Variants in RAP1GAP2 observed in about 807,000 individuals in gnomAD.
RAP1GAP2 encodes the protein RAP1 GTPase activating protein 2.
RAP1GAP2 carries 27 observed loss-of-function variants against 95.0 expected under a neutral mutation model. The observed-to-expected ratio is 0.28, with a 90% CI of 0.21 to 0.39. The LOEUF (loss-of-function observed/expected upper bound fraction) is 0.39, where lower values mean the gene tolerates loss of function less well. Ranked by LOEUF, RAP1GAP2 falls within the 10% of genes least tolerant of loss-of-function variation. The pLI is 1.00. For missense variants in RAP1GAP2, 771 were observed against 970.0 expected (o/e 0.79, Z 2.72); for synonymous variants, 373 against 380.9 (o/e 0.98, Z 0.24).
chr17:2,926,424 C>A (rs2042956608), intron 3 of RAP1GAP2, among the ~76,000 whole-genome samples: 1 of 152,198 alleles, frequency 6.6e-6, no homozygotes, highest in Non-Finnish European at 1.5e-5. Context: ...AGCTTCAAGG[C>A]AGTTACAACA....
intron 2 of RAP1GAP2, among the ~76,000 whole-genome samples, chr17:2,824,513 C>T (rs1328260948): frequency 3.3e-5 from 5 of 150,630 alleles, no homozygotes; most frequent in South Asian, 2.1e-4. Context: ...GAGGCCGAGG[C>T]GGGCAGATCA....
intron 2 of RAP1GAP2, among the ~76,000 whole-genome samples, chr17:2,878,205 G>A (rs187203446): frequency 2.2e-4 from 33 of 152,252 alleles, no homozygotes; most frequent in African/African-American, 7.7e-4. Flanking sequence ...AGGCATAAGG[G>A]AAGGGGAGTC....
intron 17 of RAP1GAP2, among the ~76,000 whole-genome samples, chr17:3,017,794 C>T (rs574746840): frequency 2.0e-5 from 3 of 152,252 alleles, no homozygotes; most frequent in South Asian, 4.1e-4. Context: ...GGAGCTGGGG[C>T]GCTGACCCCT....
Position 2,796,984 on chromosome 17 carries a change from G to A in RAP1GAP2, c.44+413G>A, listed in dbSNP as rs572347323. 4.6e-5 allele frequency among the ~76,000 whole-genome samples: 7 copies of A among 152,202 alleles called. No individual in the cohort carries two copies. In the South Asian group the frequency reaches 1.2e-3, roughly 27 times the overall value. ...GCTGTGACTGCCAGTCCGTGTGACC[G>A]TGTGTGAGGTGTGTGCCTGTGCATG... On this transcript the variant is annotated intron_variant, in intron 1 of 24. Transcript: ENST00000254695. The surrounding 1 kb of genome is among the most constrained non-coding windows in gnomAD (Gnocchi z 4.7).
intron 3 of RAP1GAP2, among the ~76,000 whole-genome samples, 174 bp from the exon 4 acceptor site, chr17:2,957,585 T>G (rs1280891932): frequency 2.0e-5 from 3 of 152,186 alleles, no homozygotes; most frequent in African/African-American, 7.2e-5. Flanking sequence ...ATGGGGTGTT[T>G]GGCCCTCTAG....
At chr17:2,972,584 G>A (rs940244766) in intron 8 of RAP1GAP2, among the ~76,000 whole-genome samples, 69 of 111,740 alleles carry the variant, frequency 6.2e-4, no homozygotes, top group Non-Finnish European at 1.7e-4. Context: ...GGTGACAAGA[G>A]TGAAAGTCCT....
rs143658195 is a variant in RAP1GAP2, at chr17:2,856,011, G to C, written c.81-49273G>C. Among the ~76,000 whole-genome samples, 6 of 152,328 alleles carry C rather than the reference G, an allele frequency of 3.9e-5. 1 individual carries two copies. Among genetic ancestry groups the C allele is most frequent in the Admixed American group, 2.0e-4 (3 of 15,294 alleles). ...AGTGGTCTAGGAATGGCTGATGCCAGCGACATGTGTGTCTAGCAGAAGAAG... is the reference window on the plus strand; with the variant it reads ...AGTGGTCTAGGAATGGCTGATGCCACCGACATGTGTGTCTAGCAGAAGAAG... On this transcript the variant is annotated intron_variant, in intron 2 of 24. Coordinates refer to ENST00000254695, the MANE Select transcript of RAP1GAP2 (RefSeq NM_015085.5).
chr17:2,812,192 C>T (rs1381419099), intron 2 of RAP1GAP2, among the ~76,000 whole-genome samples: 1 of 152,138 alleles, frequency 6.6e-6, no homozygotes, highest in Non-Finnish European at 1.5e-5. Context: ...CCAGGTCATC[C>T]CCAAGAACAG....
intron 3 of RAP1GAP2, among the ~76,000 whole-genome samples, chr17:2,954,971 T>TA (rs2044058164): frequency 6.6e-6 from 1 of 152,224 alleles, no homozygotes; most frequent in Non-Finnish European, 1.5e-5. Context: ...ATGTTATTTT[T>TA]ATTGGCTGAA....
At chr17:2,823,980 G>A (rs1476630855) in intron 2 of RAP1GAP2, among the ~76,000 whole-genome samples, 1 of 151,742 alleles carries the variant, frequency 6.6e-6, no homozygotes, top group Non-Finnish European at 1.5e-5. Context: ...AAAATTAGCT[G>A]GGCGTGGTGG....
intron 8 of RAP1GAP2, among the ~76,000 whole-genome samples, chr17:2,977,157 A>G (rs1346731277): frequency 6.6e-6 from 1 of 151,832 alleles, no homozygotes; most frequent in Non-Finnish European, 1.5e-5. Flanking sequence ...AAAAGAAAAG[A>G]TACAAATAGT....
chr17:2,813,829 G>A (rs757922151), intron 2 of RAP1GAP2, among the ~76,000 whole-genome samples: 7 of 152,200 alleles, frequency 4.6e-5, no homozygotes, highest in Non-Finnish European at 1.0e-4. Flanking sequence ...CGGGCATGGT[G>A]GCACGTGCCT....
At chr17:2,853,906 G>T in intron 2 of RAP1GAP2, 2 of 979,076 alleles carry the variant, frequency 2.0e-6, no homozygotes, top group Non-Finnish European at 1.2e-6. Context: ...GGGGGCCGGG[G>T]CGCGGGCTCA....
intron 23 of RAP1GAP2, among the ~76,000 whole-genome samples, chr17:3,031,551 G>A (rs1825400051): frequency 6.8e-6 from 1 of 148,146 alleles, no homozygotes; most frequent in Non-Finnish European, 1.5e-5. Context: ...AGGTCCAGAT[G>A]TGAGGTGGGA....
intron 10 of RAP1GAP2, among the ~76,000 whole-genome samples, chr17:2,983,324 C>A (rs773572376): frequency 6.6e-6 from 1 of 152,062 alleles, no homozygotes; most frequent in Non-Finnish European, 1.5e-5. Flanking sequence ...AATTGACCAG[C>A]CTCTGAGATT....
rs1211550126 is a variant in RAP1GAP2, at chr17:2,867,813, G to C, written c.81-37471G>C. ...TAGTGGCTTAGTTGATGCTGATCTT[G>C]GCACGGTCTTGTCAACTTGGCTGGT... On this transcript the variant is annotated intron_variant, in intron 2 of 24. Coordinates refer to ENST00000254695, the MANE Select transcript of RAP1GAP2 (RefSeq NM_015085.5). The surrounding 1 kb of genome is among the most constrained non-coding windows in gnomAD (Gnocchi z 4.5). 1.3e-5 allele frequency among the ~76,000 whole-genome samples: 2 copies of C among 152,128 alleles called. No homozygotes were observed. Among genetic ancestry groups the C allele is most frequent in the African/African-American group, 4.8e-5 (2 of 41,436 alleles).
chr17:2,964,252 T>G (rs1048728742), intron 7 of RAP1GAP2, among the ~76,000 whole-genome samples, 184 bp downstream of exon 7: 1 of 71,976 alleles, frequency 1.4e-5, no homozygotes, highest in Non-Finnish European at 2.7e-5. Context: ...CTGCCGGGGA[T>G]GGGGGTGAGG....
intron 17 of RAP1GAP2, among the ~76,000 whole-genome samples, chr17:3,016,113 C>T (rs1215062948): frequency 3.9e-5 from 6 of 152,242 alleles, no homozygotes; most frequent in Non-Finnish European, 5.9e-5. Context: ...AGATTCCTTT[C>T]GTCTTTCCCC....
intron 3 of RAP1GAP2, among the ~76,000 whole-genome samples, chr17:2,931,506 G>A (rs1567792141): frequency 6.6e-6 from 1 of 152,190 alleles, no homozygotes; most frequent in Non-Finnish European, 1.5e-5. Flanking sequence ...TTAGGGCCTC[G>A]TTTGCCCCAG....
Sources: allele counts gnomAD v4.1 joint callset (sites outside exome capture counted in the v4.1 genomes callset), GRCh38; gene constraint gnomAD v4.1.1; non-coding constraint Gnocchi (gnomAD v3.1); transcripts MANE v1.5; gene names NCBI Gene and HGNC (gene_info 2026-07-23, HGNC 2026-07-21).